The following DEFB106A variants were observed in gnomAD, a reference collection of about 807,000 sequenced individuals.
The protein encoded by DEFB106A is beta-defensin 106.
For synonymous variants in DEFB106A, 1 was observed against 22.5 expected, an observed-to-expected ratio of 0.04 and a Z score of 2.70; for missense variants, 4 against 63.7, an observed-to-expected ratio of 0.06 and a Z score of 3.19.
At chr8:7,826,661 T>C (rs1817406588) in intron 1 of DEFB106A, among the ~76,000 whole-genome samples, 1 of 123,324 alleles carries the variant, frequency 8.1e-6, no homozygotes, top group African/African-American at 2.7e-5. Flanking sequence ...TATATATATA[T>C]ATATACATAT....
intron 1 of DEFB106A, among the ~76,000 whole-genome samples, chr8:7,827,705 G>A (rs1377698070): frequency 7.4e-6 from 1 of 134,362 alleles, no homozygotes; most frequent in Non-Finnish European, 1.7e-5. Flanking sequence ...TATAATACTA[G>A]TATTTTTATA....
In DEFB106A at chr8:7,827,734, TATG is replaced by T. The variant is rs1249289555; in HGVS notation, c.50-1068_50-1066del. ...TTTTATAGTATATACTAAGCTATAC[TATG>T]ATACTATACTAAACCAAAAAGATTT... On this transcript the variant is annotated intron_variant, in intron 1 of 1. Coordinates refer to ENST00000335186, the MANE Select transcript of DEFB106A (RefSeq NM_152251.4). Among the ~76,000 whole-genome samples, 4 of 138,336 alleles carry T rather than the reference TATG, an allele frequency of 2.9e-5. 1 individual carries two copies. Among genetic ancestry groups the T allele is most frequent in the Non-Finnish European group, 6.5e-5 (4 of 61,826 alleles). The allele number at this position is 138,336 out of a possible 152,430, so 90.8% of individuals were successfully genotyped here. A position where few individuals can be genotyped will look rare whatever the true frequency, so the allele number is the denominator to read the frequency against.
At position 7,827,254 on chromosome 8, in the gene DEFB106A, T is replaced by A. The variant is rs1364394101; in HGVS notation, c.50-1551T>A. Among the ~76,000 whole-genome samples the A allele has an allele frequency of 5.1e-5, 3 of 59,196 alleles. 1 individual carries two copies. The highest frequency in any genetic ancestry group is 1.2e-4 in the African/African-American group (3 of 24,146). The allele number at this position is 59,196 out of a possible 152,430, so 38.8% of individuals were successfully genotyped here. ...ATACACTAGTATACAGTATAGTGTA[T>A]ATACTAGTATAATACTCTAGCATAT... On this transcript the variant is annotated intron_variant, in intron 1 of 1. Coordinates refer to ENST00000335186, the MANE Select transcript of DEFB106A (RefSeq NM_152251.4).
chr8:7,826,321 A>G (rs1352907767), intron 1 of DEFB106A, among the ~76,000 whole-genome samples: 1 of 150,728 alleles, frequency 6.6e-6, no homozygotes, highest in South Asian at 2.1e-4. Flanking sequence ...TTATTATATA[A>G]TAAGTCAAAA....
intron 1 of DEFB106A, 45 bp downstream of exon 1, chr8:7,825,270 CCA>C (rs1174313396): frequency 6.0e-5 from 14 of 232,212 alleles, no homozygotes; most frequent in South Asian, 5.0e-4. Flanking sequence ...AGGTGGTGTC[CCA>C]CAGACAGGGT....
chr8:7,827,857 C>A lies in DEFB106A; in HGVS notation c.50-948C>A, dbSNP rs555769824. ...GAACATAGACCCCTGCCAGTGAGAG[C>A]CAGAGTTCATCGAGCTTTGAAATAG... is the stretch of plus-strand genomic sequence containing the variant. On this transcript the variant is annotated intron_variant, in intron 1 of 1. Transcript: ENST00000335186. Among the ~76,000 whole-genome samples, 1,007 of 140,756 alleles carry A rather than the reference C, an allele frequency of 7.2e-3. 1 individual carries two copies. The highest frequency in any genetic ancestry group is 0.024 in the African/African-American group (952 of 39,312). 92.3% of individuals were successfully genotyped at this position (140,756 alleles called of 152,430 possible).
chr8:7,826,429 T>A (rs1351150628), intron 1 of DEFB106A, among the ~76,000 whole-genome samples: 107 of 148,702 alleles, frequency 7.2e-4, no homozygotes, highest in Non-Finnish European at 1.3e-3. Context: ...CAGATACTTA[T>A]CTATAATTAC....
At chr8:7,826,918 T>G (rs1350989941) in intron 1 of DEFB106A, among the ~76,000 whole-genome samples, 12 of 122,902 alleles carry the variant, frequency 9.8e-5, no homozygotes, top group African/African-American at 3.3e-4. Flanking sequence ...TCCACCCTCC[T>G]CAGCCTCCCA....
chr8:7,827,707 A>T (rs1313832547), intron 1 of DEFB106A, among the ~76,000 whole-genome samples: 4 of 135,110 alleles, frequency 3.0e-5, no homozygotes, highest in African/African-American at 1.0e-4. Context: ...TAATACTAGT[A>T]TTTTTATAGT....
intron 1 of DEFB106A, among the ~76,000 whole-genome samples, chr8:7,826,728 T>C (rs1433862827): frequency 2.1e-4 from 28 of 132,814 alleles, no homozygotes; most frequent in Non-Finnish European, 2.9e-4. Flanking sequence ...GAGTGCAGTT[T>C]CACAATCTCA....
At chr8:7,827,775 A>G (rs571059199) in intron 1 of DEFB106A, among the ~76,000 whole-genome samples, 1 of 139,340 alleles carries the variant, frequency 7.2e-6, no homozygotes, top group African/African-American at 2.5e-5. Context: ...TCTGAATACC[A>G]CGCTATAGTC....
chr8:7,827,642 T>C (rs1368712879), intron 1 of DEFB106A, among the ~76,000 whole-genome samples: 2 of 130,206 alleles, frequency 1.5e-5, no homozygotes, highest in Admixed American at 1.6e-4. Context: ...GTATATAGTA[T>C]AGTATATATA....
rs1267694999 is a variant in DEFB106A, at chr8:7,827,123, T to A, written c.50-1682T>A. On this transcript the variant is annotated intron_variant, in intron 1 of 1. Coordinates refer to ENST00000335186, the MANE Select transcript of DEFB106A (RefSeq NM_152251.4). ...CATAGTATACATACTAGTATAATAC[T>A]CTAGTATATAGTATAGTGTATATAC... is the stretch of plus-strand genomic sequence containing the variant. Among the ~76,000 whole-genome samples, 3 of 116,272 alleles carry A rather than the reference T, an allele frequency of 2.6e-5. 1 individual carries two copies. The highest frequency in any genetic ancestry group is 3.8e-5 in the Non-Finnish European group (2 of 53,078). 76.3% of individuals were successfully genotyped at this position (116,272 alleles called of 152,430 possible).
At position 7,826,670 on chromosome 8, in the gene DEFB106A, A is replaced by T. The variant is rs1288438027; in HGVS notation, c.49+1445A>T. On this transcript the variant is annotated intron_variant, in intron 1 of 1. Coordinates refer to ENST00000335186, the MANE Select transcript of DEFB106A (RefSeq NM_152251.4). ...ATATATTATATATATATATATACAT[A>T]TTTTTTTTTTTTTTTTGAGATAGAG... Among the ~76,000 whole-genome samples the T allele has an allele frequency of 1.2e-3, 126 of 104,632 alleles. 2 individuals are homozygous for T. The highest frequency in any genetic ancestry group is 2.3e-3 in the South Asian group (6 of 2,636). 68.6% of individuals were successfully genotyped at this position (104,632 alleles called of 152,430 possible).
At chr8:7,826,400 T>A (rs2737590) in intron 1 of DEFB106A, among the ~76,000 whole-genome samples, 1 of 144,850 alleles carries the variant, frequency 6.9e-6, no homozygotes, top group East Asian at 2.0e-4. Flanking sequence ...AATTAGTTAC[T>A]ATAATTATTA....
chr8:7,827,051 T>C (rs1372899707), intron 1 of DEFB106A, among the ~76,000 whole-genome samples: 1 of 127,586 alleles, frequency 7.8e-6, no homozygotes. Context: ...TATAATACTC[T>C]AGTATATAGT....
chr8:7,827,564 C>G (rs1291733534), intron 1 of DEFB106A, among the ~76,000 whole-genome samples: 19 of 119,252 alleles, frequency 1.6e-4, no homozygotes, highest in African/African-American at 5.4e-4. Context: ...GTATAATACA[C>G]TAGTATATAG....
At chr8:7,828,706 C>G in intron 1 of DEFB106A, 99 bp from the exon 2 acceptor site, 1 of 1,384,902 alleles carries the variant, frequency 7.2e-7, no homozygotes, top group East Asian at 2.9e-5. Context: ...ACTATGACAG[C>G]TTGTGAAAAA....
intron 1 of DEFB106A, among the ~76,000 whole-genome samples, chr8:7,827,876 G>C (rs1817463688): frequency 1.4e-5 from 2 of 140,648 alleles, no homozygotes; most frequent in South Asian, 5.0e-4. Context: ...ATCGAGCTTT[G>C]AAATAGTGGA....
Sources: gnomAD v4.1 joint callset for allele counts (sites outside exome capture counted in the v4.1 genomes callset) on GRCh38, gnomAD v4.1.1 for gene constraint, MANE v1.5 for transcripts, NCBI Gene and HGNC (gene_info 2026-07-23, HGNC 2026-07-21) for gene names.